The following NPAS3 variants were observed in gnomAD, a reference collection of about 807,000 sequenced individuals.
The protein encoded by NPAS3 is neuronal PAS domain protein 3, also known as neuronal PAS domain-containing protein 3.
A neutral mutation model predicts 73.1 loss-of-function variants in NPAS3; 14 were observed. That is an observed-to-expected ratio of 0.19 (90% confidence interval 0.13 to 0.30). The LOEUF is 0.30. Ranked by LOEUF, NPAS3 falls within the 10% of genes least tolerant of loss-of-function variation. The pLI is 1.00. For missense variants in NPAS3, 1,096 were observed against 1,250.0 expected, an observed-to-expected ratio of 0.88 and a Z score of 1.86; for synonymous variants, 620 against 541.5, an observed-to-expected ratio of 1.14 and a Z score of -2.01.
intron 3 of NPAS3, among the ~76,000 whole-genome samples, chr14:33,218,613 G>A (rs571560401): frequency 2.4e-4 from 37 of 152,254 alleles, no homozygotes; most frequent in African/African-American, 8.7e-4. Context: ...TATACTTCAT[G>A]CTTCTCCAAG....
At chr14:33,794,837 C>A (rs962515646) in intron 10 of NPAS3, among the ~76,000 whole-genome samples, 1 of 152,120 alleles carries the variant, frequency 6.6e-6, no homozygotes, top group African/African-American at 2.4e-5. Flanking sequence ...AGTTTGGGGG[C>A]AGGCTTTCTG....
chr14:33,154,614 G>A (rs1269381204), intron 2 of NPAS3, among the ~76,000 whole-genome samples: 2 of 152,272 alleles, frequency 1.3e-5, no homozygotes, highest in East Asian at 3.9e-4. Context: ...AAGATGCTAA[G>A]GATGTTGGTC....
rs2060446224 is a variant in NPAS3 at position 33,698,489 on chromosome 14, T to G, written c.733+22104T>G. 2.6e-5 allele frequency among the ~76,000 whole-genome samples: 4 copies of G among 152,308 alleles called. No individual in the cohort carries two copies. The South Asian group carries it at 6.2e-4, about 24-fold the overall frequency. On this transcript the variant is annotated intron_variant, in intron 6 of 11. Coordinates refer to ENST00000356141, the Ensembl canonical transcript of NPAS3. The stretch of plus-strand genomic sequence containing the variant: ...TTTTGCCTCGCCAGCCCTCAGAAGA[T>G]GCTCACAGGATGCTACAGGAATATC...
At chr14:33,250,171 T>C (rs2048530971) in intron 3 of NPAS3, among the ~76,000 whole-genome samples, 1 of 152,062 alleles carries the variant, frequency 6.6e-6, no homozygotes, top group Admixed American at 6.6e-5. Context: ...ACAAGCCTTA[T>C]GATAGATTTG....
chr14:32,952,062 T>G (rs955072403), intron 1 of NPAS3, among the ~76,000 whole-genome samples: 1 of 152,056 alleles, frequency 6.6e-6, no homozygotes, highest in African/African-American at 2.4e-5. Flanking sequence ...GATGATTAAC[T>G]TTTTTGCTTA....
intron 4 of NPAS3, among the ~76,000 whole-genome samples, chr14:33,457,488 T>G (rs761611108): frequency 2.0e-5 from 3 of 152,214 alleles, no homozygotes; most frequent in Non-Finnish European, 2.9e-5. Flanking sequence ...GCATCCTCTG[T>G]GCATGCTGAG....
At chr14:33,492,169 CATT>C (rs1382951164) in intron 4 of NPAS3, among the ~76,000 whole-genome samples, 1 of 152,100 alleles carries the variant, frequency 6.6e-6, no homozygotes, top group Non-Finnish European at 1.5e-5. Context: ...ACCCCATTAA[CATT>C]AATAAGACTT....
intron 4 of NPAS3, among the ~76,000 whole-genome samples, chr14:33,401,000 T>C (rs1182044344): frequency 6.6e-6 from 1 of 152,142 alleles, no homozygotes; most frequent in East Asian, 1.9e-4. Context: ...GTAGCCGTGT[T>C]AGATTTCATA....
In NPAS3 at chr14:33,683,427, C is replaced by CAAAAAAAAAAA. The variant is rs1176606241; in HGVS notation, c.733+7056_733+7066dup. Among the ~76,000 whole-genome samples the CAAAAAAAAAAA allele has an allele frequency of 3.9e-5, 3 of 77,520 alleles. 1 individual carries two copies. Among genetic ancestry groups the CAAAAAAAAAAA allele is most frequent in the African/African-American group, 9.9e-5 (2 of 20,214 alleles). 50.9% of individuals were successfully genotyped at this position (77,520 alleles called of 152,430 possible). ...AATTATGACCTGTTTTTCCTCATTT[C>CAAAAAAAAAAA]AAAAAAAAAAAAAAAAAAAAAAAAG... is the stretch of plus-strand genomic sequence containing the variant. On this transcript the variant is annotated intron_variant, in intron 6 of 11. Coordinates refer to ENST00000356141, the Ensembl canonical transcript of NPAS3.
chr14:33,583,200 T>C (rs1201255769), intron 5 of NPAS3: 1 of 152,152 alleles, frequency 6.6e-6, no homozygotes, highest in African/African-American at 2.4e-5. Context: ...TTTGCAGTTT[T>C]GGTGAAGGAC....
intron 3 of NPAS3, among the ~76,000 whole-genome samples, chr14:33,354,756 G>A (rs1315140): frequency 0.47 from 70,988 of 151,964 alleles, 16,945 homozygotes; most frequent in Admixed American, 0.59. Flanking sequence ...CTCATACTGC[G>A]CTCTGGCTTT....
At chr14:33,676,932 CAATTGTATAGAGG>C (rs1323481327) in intron 6 of NPAS3, among the ~76,000 whole-genome samples, 1 of 152,202 alleles carries the variant, frequency 6.6e-6, no homozygotes, top group East Asian at 1.9e-4. Context: ...TTAATTAGAT[CAATTGTATAGAGG>C]AATGAACAGA....
At chr14:33,121,373 G>A (rs528435274) in intron 2 of NPAS3, among the ~76,000 whole-genome samples, 19 of 152,196 alleles carry the variant, frequency 1.2e-4, no homozygotes, top group African/African-American at 4.6e-4. Context: ...TAGCATTTAG[G>A]CCAACCTCTC....
chr14:33,596,987 G>A (rs2057261341), intron 5 of NPAS3, among the ~76,000 whole-genome samples: 1 of 152,164 alleles, frequency 6.6e-6, no homozygotes, highest in Non-Finnish European at 1.5e-5. Context: ...AGTTGCGCTG[G>A]TAGTGTGTTG....
chr14:33,754,728 A>G (rs2062063168), intron 7 of NPAS3, among the ~76,000 whole-genome samples: 1 of 151,972 alleles, frequency 6.6e-6, no homozygotes. Flanking sequence ...ATCTTTCAAG[A>G]TTCTCTCTCT....
At chr14:33,385,199 G>A (rs2046726190) in intron 4 of NPAS3, among the ~76,000 whole-genome samples, 1 of 152,190 alleles carries the variant, frequency 6.6e-6, no homozygotes, top group Non-Finnish European at 1.5e-5. Context: ...AAAGGAGCAA[G>A]TGAAGAGAGG....
intron 2 of NPAS3, among the ~76,000 whole-genome samples, chr14:33,085,362 G>A (rs2041989054): frequency 6.6e-6 from 1 of 152,156 alleles, no homozygotes; most frequent in South Asian, 2.1e-4. Flanking sequence ...GGAGAAAATG[G>A]CGTAATTATT....
chr14:33,185,006 ACT>A (rs2045931804), intron 2 of NPAS3, among the ~76,000 whole-genome samples: 2 of 151,972 alleles, frequency 1.3e-5, no homozygotes, highest in Non-Finnish European at 2.9e-5. Flanking sequence ...GGCTTTAAGA[ACT>A]CTTTCAGTGA....
At chr14:33,183,040 G>T (rs1003816664) in intron 2 of NPAS3, among the ~76,000 whole-genome samples, 13 of 152,086 alleles carry the variant, frequency 8.5e-5, no homozygotes, top group Admixed American at 8.5e-4. Flanking sequence ...CTCTTGTCAC[G>T]CCTTTCTTTG....
Sources: allele counts gnomAD v4.1 joint callset (sites outside exome capture counted in the v4.1 genomes callset), GRCh38; gene constraint gnomAD v4.1.1; transcripts MANE v1.5; gene names NCBI Gene and HGNC (gene_info 2026-07-23, HGNC 2026-07-21).